The following CDC73 variants were observed in gnomAD, a reference collection of about 807,000 sequenced individuals.
CDC73 encodes the protein cell division cycle 73, also known as parafibromin.
Under a neutral mutation model 83.7 loss-of-function variants are expected in CDC73, and 21 were observed. That is an observed-to-expected ratio of 0.25 (90% CI 0.18 to 0.36). The LOEUF is 0.36. Ranked by LOEUF, CDC73 falls within the 10% of genes least tolerant of loss-of-function variation. The pLI is 1.00. For synonymous variants in CDC73, 224 were observed against 212.9 expected (o/e 1.05, Z -0.45); for missense variants, 342 against 653.3 (o/e 0.52, Z 5.19).
chr1:193,176,333 GAA>G (rs1317035545), intron 10 of CDC73, among the ~76,000 whole-genome samples: 1 of 152,130 alleles, frequency 6.6e-6, no homozygotes, highest in African/African-American at 2.4e-5. Flanking sequence ...GTATACACAA[GAA>G]CTGTTTTGCT....
At chr1:193,193,750 G>A (rs989379959) in intron 10 of CDC73, among the ~76,000 whole-genome samples, 16 of 148,106 alleles carry the variant, frequency 1.1e-4, no homozygotes, top group African/African-American at 3.0e-4. Context: ...AATTTATAAC[G>A]TTCCAGAACA....
chr1:193,179,049 GTTT>G (rs1476785720), intron 10 of CDC73: 1 of 152,106 alleles, frequency 6.6e-6, no homozygotes, highest in Non-Finnish European at 1.5e-5. Flanking sequence ...ACTCAGTAAA[GTTT>G]TTTGTTTTCC....
chr1:193,242,713 A>T (rs187359281), intron 15 of CDC73, among the ~76,000 whole-genome samples: 1 of 152,252 alleles, frequency 6.6e-6, no homozygotes, highest in East Asian at 1.9e-4. Context: ...TTTATTTAAT[A>T]ATCTTCTGTA....
At chr1:193,133,435 CA>C (rs1258362695) in intron 3 of CDC73, among the ~76,000 whole-genome samples, 1 of 152,046 alleles carries the variant, frequency 6.6e-6, no homozygotes, top group Non-Finnish European at 1.5e-5. Flanking sequence ...AGTTCATTGG[CA>C]AAAGTAAGCA....
rs1164598850 is a variant in CDC73, at chr1:193,251,764, T to A, written c.*1052T>A. 1 of 232,018 alleles carries A rather than the reference T, an allele frequency of 4.3e-6. No homozygotes were observed. The highest frequency in any genetic ancestry group is 2.2e-5 in the African/African-American group (1 of 45,282). 14.4% of individuals were successfully genotyped at this position (232,018 alleles called of 1,614,324 possible). Reference sequence around the variant, plus strand: ...TATATTTTAACTTAGTGAAATATTTTACTATTTCTCTACTTCAGACAAAAT... The same window carrying A: ...TATATTTTAACTTAGTGAAATATTTAACTATTTCTCTACTTCAGACAAAAT... On this transcript the variant is annotated 3_prime_UTR_variant, in exon 17 of 17. Coordinates refer to ENST00000367435, the MANE Select transcript of CDC73 (RefSeq NM_024529.5).
chr1:193,249,939 A>G, intron 16 of CDC73, 68 bp downstream of exon 16: 1 of 1,438,244 alleles, frequency 7.0e-7, no homozygotes, highest in Non-Finnish European at 9.8e-7. Flanking sequence ...TTAAATTTTA[A>G]GTTCCATAGA....
rs528511193 is a variant in CDC73 at position 193,124,235 on chromosome 1, C to T, written c.132-877C>T. 5.1e-4 allele frequency among the ~76,000 whole-genome samples: 77 copies of T among 152,338 alleles called. No homozygotes were observed. In the South Asian group the frequency reaches 0.016, roughly 31 times the overall value. On this transcript the variant is annotated intron_variant, in intron 1 of 16. Coordinates refer to ENST00000367435, the MANE Select transcript of CDC73 (RefSeq NM_024529.5). ...GCACATGCACATGGAAATATATACA[C>T]ATATAAAACACTAAACAATACTTAC... is the stretch of plus-strand genomic sequence containing the variant.
intron 10 of CDC73, among the ~76,000 whole-genome samples, chr1:193,159,212 A>C (rs1156296008): frequency 6.6e-6 from 1 of 152,224 alleles, no homozygotes. Flanking sequence ...ACTTTATATT[A>C]TGATTTGTTG....
intron 10 of CDC73, among the ~76,000 whole-genome samples, chr1:193,162,931 A>C (rs555517578): frequency 1.0e-3 from 155 of 152,106 alleles, no homozygotes; most frequent in Non-Finnish European, 2.0e-3. Flanking sequence ...GATCTTTCAG[A>C]AGTTACTGAA....
chr1:193,235,726 A>G (rs1340201151), intron 14 of CDC73, among the ~76,000 whole-genome samples: 1 of 152,210 alleles, frequency 6.6e-6, no homozygotes, highest in Non-Finnish European at 1.5e-5. Flanking sequence ...TAAAAGTCTA[A>G]ATGGTTTCTA....
chr1:193,246,881 G>A (rs148236116), intron 15 of CDC73, among the ~76,000 whole-genome samples: 96 of 152,102 alleles, frequency 6.3e-4, no homozygotes, highest in East Asian at 1.5e-3. Context: ...TATTTTGCAC[G>A]ATGCAGTTCT....
chr1:193,163,809 A>C (rs1327201105), intron 10 of CDC73, among the ~76,000 whole-genome samples: 2 of 151,956 alleles, frequency 1.3e-5, no homozygotes, highest in Non-Finnish European at 2.9e-5. Context: ...ATGGAGTCTC[A>C]CTCTTGTCAC....
intron 13 of CDC73, among the ~76,000 whole-genome samples, chr1:193,230,458 T>TA (rs1677643311): frequency 4.5e-5 from 1 of 22,132 alleles, no homozygotes; most frequent in African/African-American, 1.9e-4. Flanking sequence ...TAATCCCGTA[T>TA]TTTTTTTTTT....
In CDC73 at chr1:193,250,764, A is replaced by G. The variant is rs747134646; in HGVS notation, c.*52A>G. The G allele has an allele frequency of 2.5e-5, 36 of 1,452,316 alleles. No homozygotes were observed. The highest frequency in any genetic ancestry group is 3.3e-5 in the Non-Finnish European group (34 of 1,033,982). 90.0% of individuals were successfully genotyped at this position (1,452,316 alleles called of 1,614,324 possible). On this transcript the variant is annotated 3_prime_UTR_variant, in exon 17 of 17. Transcript: ENST00000367435. ...ATTGAGACTCAAGCTTTATGAATTT[A>G]TCAAGAACTTAAAAATGAAGAAGGT...
chr1:193,122,358 G>A, intron 1 of CDC73, 27 bp downstream of exon 1: 1 of 1,613,796 alleles, frequency 6.2e-7, no homozygotes, highest in Non-Finnish European at 8.5e-7. Flanking sequence ...TGTGGCCCAG[G>A]GGTGGCAGGG....
At chr1:193,123,298 G>A (rs1427172157) in intron 1 of CDC73, among the ~76,000 whole-genome samples, 5 of 152,178 alleles carry the variant, frequency 3.3e-5, no homozygotes, top group Non-Finnish European at 5.9e-5. Flanking sequence ...CGCGATCTTG[G>A]CTCACTGCAA....
intron 15 of CDC73, chr1:193,236,954 T>G (rs1456422035): frequency 6.6e-6 from 1 of 151,786 alleles, no homozygotes; most frequent in African/African-American, 2.4e-5. Context: ...AGTTTTTTTT[T>G]TTTTTTTTAG....
intron 11 of CDC73, among the ~76,000 whole-genome samples, chr1:193,209,844 C>T (rs993152978): frequency 7.9e-5 from 12 of 152,038 alleles, no homozygotes. Flanking sequence ...AGATTTCTCC[C>T]TTGCTCTCTC....
chr1:193,203,959 A>G, intron 11 of CDC73, 107 bp downstream of exon 11: 2 of 881,152 alleles, frequency 2.3e-6, no homozygotes. Context: ...TACTTAAAAT[A>G]CATTGCAAAG....
Sources: gnomAD v4.1 joint callset for allele counts (sites outside exome capture counted in the v4.1 genomes callset) on GRCh38, gnomAD v4.1.1 for gene constraint, MANE v1.5 for transcripts, NCBI Gene and HGNC (gene_info 2026-07-23, HGNC 2026-07-21) for gene names.